Variants in ALDH9A1 observed in about 807,000 individuals in gnomAD.
The protein encoded by ALDH9A1 is 4-trimethylaminobutyraldehyde dehydrogenase.
ALDH9A1 carries 42 observed loss-of-function variants against 56.6 expected under a neutral mutation model. The observed-to-expected ratio is 0.74, with a 90% confidence interval of 0.58 to 0.96. The LOEUF (loss-of-function observed/expected upper bound fraction) is 0.96, where lower values mean the gene tolerates loss of function less well. Among genes scored for constraint, ALDH9A1 ranks in the 40% least tolerant of loss-of-function variants. ALDH9A1 has a pLI of 0.00. For missense variants in ALDH9A1, 661 were observed against 651.5 expected (o/e 1.01, Z -0.16); for synonymous variants, 242 against 236.0 (o/e 1.03, Z -0.23).
At chr1:165,696,818 G>T (rs567907527) in intron 1 of ALDH9A1, among the ~76,000 whole-genome samples, 1 of 152,350 alleles carries the variant, frequency 6.6e-6, no homozygotes, top group African/African-American at 2.4e-5. Context: ...GGTAAAGGCG[G>T]TGGCTGAGGA....
intron 1 of ALDH9A1, 86 bp from the exon 2 acceptor site, chr1:165,695,483 TAG>T: frequency 5.5e-6 from 5 of 913,284 alleles, no homozygotes; most frequent in Non-Finnish European, 7.3e-6. Flanking sequence ...CTCTTAGTAG[TAG>T]TCTTTTTTTT....
rs773362229 is a variant in ALDH9A1, at chr1:165,680,584, T to C, written c.692A>G (p.Asn231Ser). ...TGTGGCAGCCCCTCCCTGCACCACA[T>C]TGAAGAGCCCAGGAGGTACACCAGC... is the stretch of plus-strand genomic sequence containing the variant. ...SEAGVPPGLF[N>S]VVQGGAATGQ... The change falls in exon 5 of 11, where the codon AAT becomes AGT. Residue 231 changes from asparagine to serine, a missense_variant. Physicochemically the swap from Asn to Ser is conservative, Grantham distance 46. Transcript: ENST00000354775. The C allele has an allele frequency of 1.1e-5, 17 of 1,614,028 alleles. No homozygotes were observed. The highest frequency in any genetic ancestry group is 5.3e-5 in the African/African-American group (4 of 74,908).
intron 2 of ALDH9A1, among the ~76,000 whole-genome samples, chr1:165,684,893 G>A (rs1015160505): frequency 1.3e-5 from 2 of 152,070 alleles, no homozygotes; most frequent in Non-Finnish European, 2.9e-5. Context: ...TAGGCAAGTG[G>A]TTTTGGGGGC....
intron 6 of ALDH9A1, among the ~76,000 whole-genome samples, chr1:165,677,202 G>A (rs753428003): frequency 3.3e-5 from 5 of 151,782 alleles, no homozygotes; most frequent in African/African-American, 7.3e-5. Context: ...GTGAAACCCC[G>A]TCTCTACAAA....
chr1:165,690,507 G>A (rs183632010), intron 2 of ALDH9A1, among the ~76,000 whole-genome samples: 16 of 152,300 alleles, frequency 1.1e-4, no homozygotes, highest in African/African-American at 3.8e-4. Flanking sequence ...GATCAATGCA[G>A]AAGACGGTGA....
intron 1 of ALDH9A1, among the ~76,000 whole-genome samples, chr1:165,696,996 T>C (rs1210979349): frequency 6.6e-6 from 1 of 152,232 alleles, no homozygotes; most frequent in Non-Finnish European, 1.5e-5. Context: ...GGTCAAATAC[T>C]AAATTCTCCA....
At chr1:165,697,334 A>G (rs943548074) in intron 1 of ALDH9A1, among the ~76,000 whole-genome samples, 2 of 152,258 alleles carry the variant, frequency 1.3e-5, no homozygotes, top group African/African-American at 4.8e-5. Context: ...TAGATCTTAA[A>G]TATTTCACTA....
rs369196873 is a variant in ALDH9A1 at position 165,686,518 on chromosome 1, T to TAAAAA, written c.328-3413_328-3409dup. The stretch of plus-strand genomic sequence containing the variant: ...CCCAAGAAGAAAATGTTTTTTTTTT[T>TAAAAA]AAAAAAAAAAGCCCCAGAACTCACA... On this transcript the variant is annotated intron_variant, in intron 2 of 10. Transcript: ENST00000354775. Among the ~76,000 whole-genome samples, 116 of 147,682 alleles carry TAAAAA rather than the reference T, an allele frequency of 7.9e-4. 1 individual carries two copies. The highest frequency in any genetic ancestry group is 6.4e-3 in the East Asian group (32 of 4,986).
intron 2 of ALDH9A1, among the ~76,000 whole-genome samples, chr1:165,683,940 G>A (rs1252120693): frequency 6.6e-6 from 1 of 152,070 alleles, no homozygotes; most frequent in Admixed American, 6.6e-5. Flanking sequence ...TAAATAATAG[G>A]GTGACTATCA....
intron 2 of ALDH9A1, among the ~76,000 whole-genome samples, 163 bp downstream of exon 2, chr1:165,695,089 T>C (rs1650028441): frequency 6.6e-6 from 1 of 152,172 alleles, no homozygotes; most frequent in Non-Finnish European, 1.5e-5. Flanking sequence ...ATGGGAAGTA[T>C]TGAACAAAAA....
Position 165,697,402 on chromosome 1 carries a change from C to A in ALDH9A1, c.181+976G>T, listed in dbSNP as rs192499429. On this transcript the variant is annotated intron_variant, in intron 1 of 10. Coordinates refer to ENST00000354775, the MANE Select transcript of ALDH9A1 (RefSeq NM_000696.4). Reference sequence around the variant, plus strand: ...TGGATAATTAGATTGACCGTGGTAACCATTTTGCAAGGTATACATACATTA... The same window carrying A: ...TGGATAATTAGATTGACCGTGGTAAACATTTTGCAAGGTATACATACATTA... 1.0e-3 allele frequency among the ~76,000 whole-genome samples: 157 copies of A among 152,234 alleles called. 1 individual carries two copies. The Middle Eastern group carries it at 0.02, about 20-fold the overall frequency.
chr1:165,673,727 C>T (rs1290996418), intron 6 of ALDH9A1, among the ~76,000 whole-genome samples: 1 of 152,106 alleles, frequency 6.6e-6, no homozygotes, highest in African/African-American at 2.4e-5. Flanking sequence ...TATCATTGCC[C>T]CTATTCAGCA....
chr1:165,680,054 T>C (rs1385325357), intron 5 of ALDH9A1, among the ~76,000 whole-genome samples: 1 of 141,032 alleles, frequency 7.1e-6, no homozygotes, highest in African/African-American at 2.6e-5. Context: ...CACAGGATTG[T>C]CATAGCCAGA....
At chr1:165,676,501 A>T in intron 6 of ALDH9A1, 1 of 288,226 alleles carries the variant, frequency 3.5e-6, no homozygotes, top group East Asian at 1.1e-4. Context: ...GGAAGAGTCT[A>T]CAATGTTACC....
At chr1:165,698,182 C>T (rs1398595298) in intron 1 of ALDH9A1, 196 bp downstream of exon 1, 1 of 1,343,946 alleles carries the variant, frequency 7.4e-7, no homozygotes, top group Non-Finnish European at 9.5e-7. Flanking sequence ...TTTGCTTTTC[C>T]TCCCTACCCA....
intron 6 of ALDH9A1, among the ~76,000 whole-genome samples, chr1:165,677,289 G>A (rs565960731): frequency 7.2e-5 from 11 of 152,236 alleles, no homozygotes; most frequent in African/African-American, 2.6e-4. Flanking sequence ...CCTTGGAGGG[G>A]CCGAGATTGC....
chr1:165,676,538 CAAATT>C (rs1317739640), intron 6 of ALDH9A1: 1 of 282,376 alleles, frequency 3.5e-6, no homozygotes, highest in Non-Finnish European at 6.7e-6. Context: ...CTGCTGTAAA[CAAATT>C]AAGGGCAAAA....
At chr1:165,690,737 C>G (rs935400802) in intron 2 of ALDH9A1, among the ~76,000 whole-genome samples, 7 of 152,222 alleles carry the variant, frequency 4.6e-5, no homozygotes, top group Non-Finnish European at 1.0e-4. Context: ...GCGGGTCCCC[C>G]ACCCATGGAG....
At chr1:165,685,771 T>A (rs1019266169) in intron 2 of ALDH9A1, among the ~76,000 whole-genome samples, 6 of 152,198 alleles carry the variant, frequency 3.9e-5, no homozygotes, top group Admixed American at 3.9e-4. Context: ...GGATGTACCA[T>A]GATCAAATGT....
Sources: gnomAD v4.1 joint callset for allele counts (sites outside exome capture counted in the v4.1 genomes callset) on GRCh38, gnomAD v4.1.1 for gene constraint, MANE v1.5 for transcripts, NCBI Gene and HGNC (gene_info 2026-07-23, HGNC 2026-07-21) for gene names.